The following CECR2 variants were observed in gnomAD, a reference collection of about 807,000 sequenced individuals.
The protein encoded by CECR2 is CECR2 histone acetyl-lysine reader.
A neutral mutation model predicts 154.5 loss-of-function variants in CECR2; 30 were observed. The observed-to-expected ratio is 0.19, with a 90% CI of 0.15 to 0.26. The LOEUF is 0.26. Among genes scored for constraint, CECR2 ranks in the 10% least tolerant of loss-of-function variants. The pLI, the probability that CECR2 is intolerant of heterozygous loss-of-function variation, is 1.00. For synonymous variants in CECR2, 725 were observed against 683.7 expected (o/e 1.06, Z -0.94); for missense variants, 1,743 against 1,829.3 (o/e 0.95, Z 0.86).
intron 1 of CECR2, among the ~76,000 whole-genome samples, chr22:17,442,363 C>G (rs1435910492): frequency 6.6e-6 from 1 of 152,142 alleles, no homozygotes; most frequent in Non-Finnish European, 1.5e-5. Flanking sequence ...GCTAGGAGTT[C>G]TGGAGCAGCC....
At chr22:17,490,008 T>C (rs965206975) in intron 2 of CECR2, among the ~76,000 whole-genome samples, 5 of 152,230 alleles carry the variant, frequency 3.3e-5, no homozygotes, top group Non-Finnish European at 7.4e-5. Flanking sequence ...GGCTGCATCC[T>C]GCGAATTTTG....
At chr22:17,439,788 A>G (rs2054557157) in intron 1 of CECR2, among the ~76,000 whole-genome samples, 1 of 152,242 alleles carries the variant, frequency 6.6e-6, no homozygotes, top group Admixed American at 6.5e-5. Context: ...TGGACAAGGA[A>G]TGTCATTGCA....
At chr22:17,412,909 C>T (rs981921137) in intron 1 of CECR2, among the ~76,000 whole-genome samples, 3 of 152,154 alleles carry the variant, frequency 2.0e-5, no homozygotes, top group South Asian at 2.1e-4. Context: ...TCTTTGAAGA[C>T]GATGCTGCTT....
intron 6 of CECR2, among the ~76,000 whole-genome samples, chr22:17,504,046 C>CCAAATAAATAAATAAA (rs2055787993): frequency 2.9e-5 from 4 of 136,520 alleles, no homozygotes; most frequent in Non-Finnish European, 4.7e-5. Context: ...GACTCTGCCT[C>CCAAATAAATAAATAAA]TAAATAAATA....
chr22:17,547,678 T>C (rs2056634979), intron 16 of CECR2, among the ~76,000 whole-genome samples: 2 of 152,200 alleles, frequency 1.3e-5, no homozygotes. Flanking sequence ...TGTGGAGCTT[T>C]TATTCTCGTG....
chr22:17,447,391 G>C (rs1601374124), intron 1 of CECR2, among the ~76,000 whole-genome samples: 1 of 151,764 alleles, frequency 6.6e-6, no homozygotes, highest in Non-Finnish European at 1.5e-5. Context: ...CTGACCTCGT[G>C]ATCCACCCAC....
intron 2 of CECR2, among the ~76,000 whole-genome samples, chr22:17,488,698 G>A (rs977799683): frequency 2.6e-5 from 4 of 152,156 alleles, no homozygotes; most frequent in African/African-American, 9.7e-5. Context: ...ACAATTTATT[G>A]AATCTGTTCT....
chr22:17,523,769 A>G (rs1024915077), intron 8 of CECR2, among the ~76,000 whole-genome samples: 20 of 151,096 alleles, frequency 1.3e-4, no homozygotes, highest in South Asian at 2.1e-4. Flanking sequence ...AAAAAAAAAA[A>G]AAAAAAGAAA....
chr22:17,365,465 T>C (rs1601226222), upstream of CECR2, among the ~76,000 whole-genome samples: 5 of 152,124 alleles, frequency 3.3e-5, no homozygotes, highest in South Asian at 8.3e-4. Flanking sequence ...GAGGCCAAGG[T>C]GGGCGGATCA....
intron 1 of CECR2, among the ~76,000 whole-genome samples, chr22:17,384,444 CT>C (rs527990096): frequency 1.5e-3 from 227 of 152,264 alleles, no homozygotes; most frequent in African/African-American, 5.2e-3. Context: ...GATCCATGGG[CT>C]TGCAGAATGG....
chr22:17,546,810 G>A (rs529964688), intron 16 of CECR2, among the ~76,000 whole-genome samples: 87 of 152,018 alleles, frequency 5.7e-4, no homozygotes, highest in Non-Finnish European at 9.6e-4. Context: ...AGGCTGAGGC[G>A]GGTGGATCAC....
At chr22:17,501,707 A>G (rs1170647875) in intron 5 of CECR2, among the ~76,000 whole-genome samples, 4 of 152,164 alleles carry the variant, frequency 2.6e-5, no homozygotes, top group African/African-American at 9.7e-5. Flanking sequence ...TTAACGTTTT[A>G]TGTATCAACA....
chr22:17,378,907 A>G (rs545290875), intron 1 of CECR2, among the ~76,000 whole-genome samples: 1 of 152,340 alleles, frequency 6.6e-6, no homozygotes, highest in African/African-American at 2.4e-5. Flanking sequence ...TGTGAATGTC[A>G]TCAGCAATTG....
At chr22:17,412,762 C>T (rs2054085990) in intron 1 of CECR2, among the ~76,000 whole-genome samples, 1 of 151,802 alleles carries the variant, frequency 6.6e-6, no homozygotes, top group Admixed American at 6.6e-5. Flanking sequence ...TGTGTGGAGA[C>T]AGGTGGCGGG....
At chr22:17,499,296 G>A in intron 3 of CECR2, 114 bp from the exon 4 acceptor site, 1 of 1,320,480 alleles carries the variant, frequency 7.6e-7, no homozygotes, top group Non-Finnish European at 1.0e-6. Context: ...GCGATACTTG[G>A]GCATTTTTAG....
chr22:17,523,997 C>T (rs894872332), intron 8 of CECR2, 121 bp from the exon 9 acceptor site: 4 of 737,246 alleles, frequency 5.4e-6, no homozygotes, highest in East Asian at 2.7e-5. Context: ...ATCAGCTTTT[C>T]GTGATATAAA....
intron 1 of CECR2, among the ~76,000 whole-genome samples, chr22:17,408,091 A>C (rs537916707): frequency 6.6e-6 from 1 of 152,254 alleles, no homozygotes; most frequent in African/African-American, 2.4e-5. Context: ...AACCATTTTA[A>C]AGTGTATGAT....
At position 17,554,696 on chromosome 22, in the gene CECR2, G is replaced by C. The variant is rs2056754458; in HGVS notation, c.*1856G>C. ...TCAGAGAGGTTTTAATTTTAAATTTGATGTATTTGCAAGTGGATTGAGTTT... is the reference window on the plus strand; with the variant it reads ...TCAGAGAGGTTTTAATTTTAAATTTCATGTATTTGCAAGTGGATTGAGTTT... On this transcript the variant is annotated 3_prime_UTR_variant, in exon 19 of 19. Coordinates refer to ENST00000262608, the MANE Select transcript of CECR2 (RefSeq NM_001290047.2). The C allele has an allele frequency of 6.6e-6, 1 of 152,160 alleles. No homozygotes were observed. 9.4% of individuals were successfully genotyped at this position (152,160 alleles called of 1,614,324 possible).
chr22:17,541,929 G>A lies in CECR2; in HGVS notation c.1975G>A (p.Gly659Arg), dbSNP rs572732838. Residue 659 changes from glycine (G) to arginine (R), a missense_variant, in exon 15 of 19, where the codon GGG becomes AGG. Physicochemically the swap from Gly to Arg is moderately radical, Grantham distance 125. Coordinates refer to ENST00000262608, the MANE Select transcript of CECR2 (RefSeq NM_001290047.2). Reference sequence around the variant, plus strand: ...CTCTGGAGTCCCGGAGCCACACCCCGGGGAGCCTGTGCAGCAGCGTCAGCC... The same window carrying A: ...CTCTGGAGTCCCGGAGCCACACCCCAGGGAGCCTGTGCAGCAGCGTCAGCC... ...GSSGVPEPHP[G>R]EPVQQRQPFT... The A allele has an allele frequency of 3.9e-5, 63 of 1,613,846 alleles. No individual in the cohort carries two copies. The East Asian group carries it at 7.8e-4, about 20-fold the overall frequency.
Sources: allele counts gnomAD v4.1 joint callset (sites outside exome capture counted in the v4.1 genomes callset), GRCh38; gene constraint gnomAD v4.1.1; transcripts MANE v1.5; gene names NCBI Gene and HGNC (gene_info 2026-07-23, HGNC 2026-07-21).